Variants in HIBCH observed in about 807,000 individuals in gnomAD.
The protein encoded by HIBCH is 3-hydroxyisobutyryl-CoA hydrolase, mitochondrial.
In HIBCH, 50 loss-of-function variants were observed where a neutral mutation model predicts 58.2. The ratio of observed to expected loss-of-function variants is 0.86; its 90% CI spans 0.68 to 1.09. The LOEUF (loss-of-function observed/expected upper bound fraction) is 1.09, where lower values mean the gene tolerates loss of function less well. Ranked by LOEUF, HIBCH falls within the 50% of genes least tolerant of loss-of-function variation. The pLI, the probability that HIBCH is intolerant of heterozygous loss-of-function variation, is 0.00. For missense variants in HIBCH, 450 were observed against 449.7 expected (o/e 1.00, Z -0.01); for synonymous variants, 151 against 146.9 (o/e 1.03, Z -0.20).
At chr2:190,296,987 T>G (rs768203229) in intron 2 of HIBCH, 34 bp from the exon 3 acceptor site, 1 of 1,607,256 alleles carries the variant, frequency 6.2e-7, no homozygotes, top group Non-Finnish European at 8.5e-7. Flanking sequence ...ATGACAAAAT[T>G]TCTTAAGTTT....
At chr2:190,250,201 C>G (rs1686723088) in intron 8 of HIBCH, 1 of 348,894 alleles carries the variant, frequency 2.9e-6, no homozygotes, top group Admixed American at 3.8e-5. Flanking sequence ...CTTTCTTGCC[C>G]CTGTGATTTC....
In HIBCH at chr2:190,306,712, AT is replaced by A. The variant is rs1283613430; in HGVS notation, c.78+4041del. Among the ~76,000 whole-genome samples the A allele has an allele frequency of 6.6e-6, 1 of 152,224 alleles. No homozygotes were observed. The highest frequency in any genetic ancestry group is 2.4e-5 in the African/African-American group (1 of 41,462). On this transcript the variant is annotated intron_variant, in intron 2 of 13. Transcript: ENST00000359678. The surrounding 1 kb of genome is among the most constrained non-coding windows in gnomAD (Gnocchi z 4.6). ...ATTAAGAAGCTAACTATTAGCTTGTATAGTACTACAGACTGAATGCTTGCAT... is the reference window on the plus strand; with the variant it reads ...ATTAAGAAGCTAACTATTAGCTTGTAAGTACTACAGACTGAATGCTTGCAT...
intron 6 of HIBCH, among the ~76,000 whole-genome samples, chr2:190,265,121 T>TGAAAAAAAAAAAA (rs1559042131): frequency 2.3e-5 from 1 of 43,686 alleles, no homozygotes; most frequent in African/African-American, 1.5e-4. Context: ...AGACTCCGTC[T>TGAAAAAAAAAAAA]CAAAAAAAAA....
chr2:190,246,004 A>C (rs1686595238), intron 10 of HIBCH, 150 bp downstream of exon 10: 1 of 566,166 alleles, frequency 1.8e-6, no homozygotes, highest in South Asian at 2.1e-5. Flanking sequence ...AAAAAAAAAA[A>C]AAAAGGAAGG....
At chr2:190,251,427 C>A (rs1297549642) in intron 8 of HIBCH, 8 of 356,376 alleles carry the variant, frequency 2.2e-5, no homozygotes, top group Non-Finnish European at 4.6e-5. Context: ...TCAGAGTGAA[C>A]CAAACCAGGT....
intron 11 of HIBCH, among the ~76,000 whole-genome samples, chr2:190,227,616 C>A (rs1685948741): frequency 6.6e-6 from 1 of 152,146 alleles, no homozygotes; most frequent in Admixed American, 6.5e-5. Flanking sequence ...AGTGAACAGG[C>A]AACCTACAGA....
chr2:190,297,826 T>C (rs1688144034), intron 2 of HIBCH, among the ~76,000 whole-genome samples: 1 of 152,184 alleles, frequency 6.6e-6, no homozygotes, highest in Non-Finnish European at 1.5e-5. Context: ...CCATGGCAGT[T>C]TGCTGCACCC....
intron 7 of HIBCH, among the ~76,000 whole-genome samples, chr2:190,255,556 T>C (rs1479681951): frequency 2.0e-5 from 3 of 152,198 alleles, no homozygotes; most frequent in African/African-American, 7.2e-5. Context: ...TATGGATCAA[T>C]AGTGTTTTCA....
At chr2:190,199,877 C>T (rs954473778), downstream of HIBCH, 2 of 1,613,702 alleles carry the variant, frequency 1.2e-6, no homozygotes, top group Admixed American at 3.3e-5. Context: ...TGCATGAAAT[C>T]AAAGCAAACT....
At chr2:190,253,190 A>AAAT (rs911257170) in intron 7 of HIBCH, among the ~76,000 whole-genome samples, 3 of 152,058 alleles carry the variant, frequency 2.0e-5, no homozygotes, top group Non-Finnish European at 2.9e-5. Flanking sequence ...TCTCAAGTAA[A>AAAT]AATAATAATA....
chr2:190,237,353 G>C (rs1408799313), intron 11 of HIBCH, among the ~76,000 whole-genome samples: 2 of 152,158 alleles, frequency 1.3e-5, no homozygotes, highest in African/African-American at 4.8e-5. Context: ...TTGACATACT[G>C]CTTCCAAGAT....
rs1016939986 is a variant in HIBCH, at chr2:190,213,015, AC to A, written c.951del (p.Ser318LeufsTer9). The A allele has an allele frequency of 1.9e-6, 3 of 1,609,178 alleles. No individual in the cohort carries two copies. Among genetic ancestry groups the A allele is most frequent in the Non-Finnish European group, 2.6e-6 (3 of 1,176,052 alleles). ...AGTACTTCTTGCAAGGTCTTTGAAG[AC>A]CCCTCCATGAGTTGCCTTAGTGTGA... ...LKITLRQLMEGSSKTLQEVLT... is the reference protein window; with the variant it reads ...LKITLRQLMEXSSKTLQEVLT... On this transcript the variant is annotated frameshift_variant, in exon 12 of 14. Transcript: ENST00000359678. LOFTEE classifies it high-confidence loss of function.
intron 4 of HIBCH, among the ~76,000 whole-genome samples, chr2:190,291,000 C>T (rs1371390186): frequency 2.0e-5 from 3 of 152,114 alleles, no homozygotes; most frequent in Admixed American, 6.5e-5. Context: ...AGAAGAGTGA[C>T]ACCCTGTCTC....
intron 11 of HIBCH, among the ~76,000 whole-genome samples, chr2:190,234,607 T>C (rs903047661): frequency 3.3e-5 from 5 of 152,152 alleles, no homozygotes; most frequent in African/African-American, 9.7e-5. Flanking sequence ...CCCAGCACTT[T>C]GGGAGGCCAA....
intron 1 of HIBCH, chr2:190,311,085 T>C (rs1313203976): frequency 5.4e-6 from 3 of 558,510 alleles, no homozygotes; most frequent in Middle Eastern, 2.8e-4. Flanking sequence ...TATAAAATAT[T>C]ATTCAGCCAT....
At chr2:190,314,822 T>C (rs982497137) in intron 1 of HIBCH, among the ~76,000 whole-genome samples, 1 of 152,180 alleles carries the variant, frequency 6.6e-6, no homozygotes, top group African/African-American at 2.4e-5. Flanking sequence ...AAATTTGATA[T>C]TAGCTTTTAT....
intron 11 of HIBCH, among the ~76,000 whole-genome samples, chr2:190,221,141 C>T (rs957611838): frequency 1.3e-5 from 2 of 152,274 alleles, no homozygotes; most frequent in South Asian, 2.1e-4. Context: ...TTAAAAAGTT[C>T]TGTTGGTTCA....
At chr2:190,253,219 T>C (rs901788236) in intron 7 of HIBCH, among the ~76,000 whole-genome samples, 1 of 151,816 alleles carries the variant, frequency 6.6e-6, no homozygotes, top group Non-Finnish European at 1.5e-5. Context: ...ATAAAGAAAA[T>C]AGCATACATA....
intron 10 of HIBCH, 115 bp downstream of exon 10, chr2:190,246,039 G>T: frequency 1.6e-6 from 1 of 609,270 alleles, no homozygotes; most frequent in Non-Finnish European, 2.9e-6. Context: ...TCTGATCTCA[G>T]AATTCAGTGC....
Sources: gnomAD v4.1 joint callset for allele counts (sites outside exome capture counted in the v4.1 genomes callset) on GRCh38, gnomAD v4.1.1 for gene constraint, Gnocchi (gnomAD v3.1) non-coding constraint, MANE v1.5 for transcripts, NCBI Gene and HGNC (gene_info 2026-07-23, HGNC 2026-07-21) for gene names.